The following SNX29 variants were observed in gnomAD, a reference collection of about 807,000 sequenced individuals.
SNX29 encodes the protein sorting nexin-29.
Under a neutral mutation model 102.1 loss-of-function variants are expected in SNX29, and 78 were observed. That is an observed-to-expected ratio of 0.76 (90% CI 0.64 to 0.92). SNX29 has a LOEUF of 0.92. Among genes scored for constraint, SNX29 ranks in the 40% least tolerant of loss-of-function variants. SNX29 has a pLI of 0.00. For synonymous variants in SNX29, 580 were observed against 414.5 expected (o/e 1.40, Z -4.85); for missense variants, 1,280 against 1,061.7 (o/e 1.21, Z -2.86).
chr16:12,506,559 C>T (rs2089389116), intron 19 of SNX29, among the ~76,000 whole-genome samples: 1 of 152,158 alleles, frequency 6.6e-6, no homozygotes, highest in Non-Finnish European at 1.5e-5. Context: ...GAGGGAATAG[C>T]ATCAGACTTG....
intron 15 of SNX29, among the ~76,000 whole-genome samples, chr16:12,339,047 A>G (rs921165368): frequency 2.0e-5 from 3 of 152,160 alleles, no homozygotes; most frequent in African/African-American, 7.2e-5. Flanking sequence ...TTCAGTGGAA[A>G]GAGACCTGCG....
chr16:12,019,591 T>TAGATAGATAGATAGATAG (rs1555520333), intron 3 of SNX29, among the ~76,000 whole-genome samples: 2 of 142,766 alleles, frequency 1.4e-5, no homozygotes, highest in Admixed American at 7.0e-5. Flanking sequence ...AATATATATA[T>TAGATAGATAGATAGATAG]ATAGATAGAT....
In SNX29 at chr16:12,183,814, C is replaced by T. The variant is rs182936689; in HGVS notation, c.1596-15787C>T. The stretch of plus-strand genomic sequence containing the variant: ...ATAGAACAGTTTGCAGTAAAGAAGC[C>T]GGCTGAATCCCACCAAAACCACGAT... On this transcript the variant is annotated intron_variant, in intron 13 of 20. Transcript: ENST00000566228. Among the ~76,000 whole-genome samples, 192 of 152,244 alleles carry T rather than the reference C, an allele frequency of 1.3e-3. 1 individual carries two copies. The highest frequency in any genetic ancestry group is 5.0e-4 in the Non-Finnish European group (34 of 68,002).
At position 12,063,366 on chromosome 16, in the gene SNX29, C is replaced by CTTTTTTTTTTT. The variant is rs369015533; in HGVS notation, c.1243+1736_1243+1746dup. Among the ~76,000 whole-genome samples, 436 of 55,378 alleles carry CTTTTTTTTTTT rather than the reference C, an allele frequency of 7.9e-3. 102 individuals are homozygous for CTTTTTTTTTTT. The highest frequency in any genetic ancestry group is 9.5e-3 in the Non-Finnish European group (288 of 30,386). The allele number at this position is 55,378 out of a possible 152,430, so 36.3% of individuals were successfully genotyped here. ...CCCACCTCTTCTTTTCCTAGTCCAT[C>CTTTTTTTTTTT]TTTTTTTTTTTTTTTTTTTTTTTTT... On this transcript the variant is annotated intron_variant, in intron 9 of 20. Coordinates refer to ENST00000566228, the MANE Select transcript of SNX29 (RefSeq NM_032167.5).
intron 18 of SNX29, among the ~76,000 whole-genome samples, chr16:12,451,803 G>C (rs2086310196): frequency 6.6e-6 from 1 of 152,364 alleles, no homozygotes; most frequent in Non-Finnish European, 1.5e-5. Flanking sequence ...GGCAGAAGTT[G>C]CAGTGAGCCC....
chr16:12,394,017 C>T lies in SNX29; in HGVS notation c.1900-4429C>T, dbSNP rs117275124. On this transcript the variant is annotated intron_variant, in intron 16 of 20. Transcript: ENST00000566228. ...TTCCTGAGAGCTTATGTACTTGGCT[C>T]AGAGTCTGGAGGCTGACCTGTGTTC... 2.6e-3 allele frequency among the ~76,000 whole-genome samples: 399 copies of T among 152,310 alleles called. 14 individuals are homozygous for T. The East Asian group carries it at 0.053, about 20-fold the overall frequency.
chr16:12,473,771 T>C, intron 18 of SNX29, among the ~76,000 whole-genome samples: 1 of 152,156 alleles, frequency 6.6e-6, no homozygotes, highest in East Asian at 1.9e-4. Context: ...CTGGGTGTCC[T>C]CTCTGCTACA....
intron 18 of SNX29, among the ~76,000 whole-genome samples, chr16:12,433,965 C>G (rs981150316): frequency 6.6e-6 from 1 of 152,182 alleles, no homozygotes; most frequent in Non-Finnish European, 1.5e-5. Flanking sequence ...ACTTGCTGGC[C>G]AGAGTATCTG....
intron 20 of SNX29, among the ~76,000 whole-genome samples, chr16:12,548,233 A>C (rs2077733602): frequency 6.6e-6 from 1 of 152,166 alleles, no homozygotes; most frequent in Admixed American, 6.5e-5. Flanking sequence ...CCACAGTGTT[A>C]GGTTACATTT....
intron 3 of SNX29, 27 bp downstream of exon 3, chr16:12,003,070 G>A (rs934130502): frequency 3.7e-6 from 6 of 1,613,398 alleles, no homozygotes; most frequent in African/African-American, 2.7e-5. Flanking sequence ...TAAAACCGTT[G>A]ACCATCGAGG....
chr16:12,352,960 G>A (rs2082028133), intron 15 of SNX29, among the ~76,000 whole-genome samples: 2 of 152,166 alleles, frequency 1.3e-5, no homozygotes, highest in Non-Finnish European at 2.9e-5. Flanking sequence ...CAAGTGCCTG[G>A]TGGGGATATA....
intron 20 of SNX29, among the ~76,000 whole-genome samples, chr16:12,559,686 C>G (rs997197316): frequency 6.6e-6 from 1 of 152,208 alleles, no homozygotes; most frequent in South Asian, 2.1e-4. Context: ...GGGGCAGTAA[C>G]TTCTCGAGCT....
chr16:12,118,449 A>G (rs2053832192), intron 11 of SNX29, among the ~76,000 whole-genome samples: 1 of 150,286 alleles, frequency 6.7e-6, no homozygotes, highest in Non-Finnish European at 1.5e-5. Flanking sequence ...CCTCCCGAGT[A>G]GCTGGGATTA....
At chr16:12,550,245 A>G (rs1311482298) in intron 20 of SNX29, among the ~76,000 whole-genome samples, 1 of 152,206 alleles carries the variant, frequency 6.6e-6, no homozygotes, top group African/African-American at 2.4e-5. Context: ...TTTTAGAAAT[A>G]GCAAATATGG....
At chr16:12,542,800 G>C (rs1384488156) in intron 20 of SNX29, among the ~76,000 whole-genome samples, 9 of 151,374 alleles carry the variant, frequency 5.9e-5, no homozygotes, top group Admixed American at 4.0e-4. Flanking sequence ...AAATCAGCAA[G>C]TAAGTGAAGT....
At chr16:12,384,927 T>G (rs1742744860) in intron 16 of SNX29, among the ~76,000 whole-genome samples, 2 of 152,182 alleles carry the variant, frequency 1.3e-5, no homozygotes, top group African/African-American at 4.8e-5. Context: ...TCCCAGCACT[T>G]TGGGAGGCCG....
At chr16:12,460,271 C>T (rs761228450) in intron 18 of SNX29, among the ~76,000 whole-genome samples, 2 of 152,206 alleles carry the variant, frequency 1.3e-5, no homozygotes, top group African/African-American at 4.8e-5. Flanking sequence ...GGGGGAAACC[C>T]TAAAACTGTC....
At chr16:12,547,544 G>C (rs535491659) in intron 20 of SNX29, among the ~76,000 whole-genome samples, 1 of 152,204 alleles carries the variant, frequency 6.6e-6, no homozygotes, top group African/African-American at 2.4e-5. Flanking sequence ...GAAGAACAGA[G>C]TCCTGAGCTG....
chr16:11,979,818 A>C (rs1567487568), intron 1 of SNX29, among the ~76,000 whole-genome samples: 1 of 151,974 alleles, frequency 6.6e-6, no homozygotes, highest in Non-Finnish European at 1.5e-5. Context: ...TCCTGGCTTC[A>C]TGTGATCCAC....
Sources: allele counts gnomAD v4.1 joint callset (sites outside exome capture counted in the v4.1 genomes callset), GRCh38; gene constraint gnomAD v4.1.1; transcripts MANE v1.5; gene names NCBI Gene and HGNC (gene_info 2026-07-23, HGNC 2026-07-21).